Variants in ROBO2 observed in about 807,000 individuals in gnomAD.
The protein encoded by ROBO2 is roundabout homolog 2.
A neutral mutation model predicts 160.8 loss-of-function variants in ROBO2; 53 were observed. That is an observed-to-expected ratio of 0.33 (90% CI 0.26 to 0.41). ROBO2 has a LOEUF of 0.41. Among genes scored for constraint, ROBO2 ranks in the 10% least tolerant of loss-of-function variants. The pLI is 1.00. For synonymous variants in ROBO2, 664 were observed against 611.7 expected, an observed-to-expected ratio of 1.09 and a Z score of -1.26; for missense variants, 1,577 against 1,722.4, an observed-to-expected ratio of 0.92 and a Z score of 1.49.
intron 2 of ROBO2, among the ~76,000 whole-genome samples, chr3:77,287,759 A>AT (rs1168350331): frequency 1.3e-5 from 2 of 152,200 alleles, no homozygotes; most frequent in Admixed American, 1.3e-4. Flanking sequence ...TTGATGTCTT[A>AT]TTTTTTCTTT....
chr3:77,510,743 G>C (rs534485402), intron 5 of ROBO2, among the ~76,000 whole-genome samples: 26 of 152,100 alleles, frequency 1.7e-4, no homozygotes, highest in African/African-American at 6.0e-4. Context: ...CAATGAAGCT[G>C]AATTTTGTTT....
chr3:77,444,362 G>A (rs1186821721), intron 2 of ROBO2, among the ~76,000 whole-genome samples: 1 of 152,110 alleles, frequency 6.6e-6, no homozygotes, highest in African/African-American at 2.4e-5. Context: ...GTAGATATGT[G>A]TGTATAAAAC....
intron 2 of ROBO2, among the ~76,000 whole-genome samples, chr3:77,026,188 C>T (rs941051193): frequency 9.2e-5 from 14 of 152,138 alleles, no homozygotes; most frequent in African/African-American, 3.4e-4. Flanking sequence ...TCCTTGTAGA[C>T]CCCTTAATAT....
chr3:77,436,570 T>C (rs1216252834), intron 2 of ROBO2, among the ~76,000 whole-genome samples: 3 of 151,906 alleles, frequency 2.0e-5, no homozygotes, highest in Non-Finnish European at 4.4e-5. Flanking sequence ...TATGAATTGT[T>C]CAAGTTAGCA....
At chr3:76,521,774 A>G (rs949618865) in intron 2 of ROBO2, among the ~76,000 whole-genome samples, 1 of 152,130 alleles carries the variant, frequency 6.6e-6, no homozygotes, top group African/African-American at 2.4e-5. Flanking sequence ...GACCTTCAGA[A>G]GTATATGTTC....
intron 2 of ROBO2, among the ~76,000 whole-genome samples, chr3:76,125,636 C>A (rs1559571773): frequency 6.6e-6 from 1 of 151,812 alleles, no homozygotes. Context: ...TTGTTGGCCA[C>A]ACATATGTCT....
intron 2 of ROBO2, among the ~76,000 whole-genome samples, chr3:76,326,734 G>T (rs572929246): frequency 9.8e-4 from 146 of 149,356 alleles, no homozygotes; most frequent in South Asian, 1.9e-3. Flanking sequence ...TCGTCATCTA[G>T]CATTAGGTAT....
chr3:76,514,542 T>A (rs2081257903), intron 2 of ROBO2, among the ~76,000 whole-genome samples: 1 of 152,220 alleles, frequency 6.6e-6, no homozygotes, highest in African/African-American at 2.4e-5. Context: ...AATGAAGATA[T>A]CAGATAAAAA....
chr3:76,134,103 C>T (rs1471221312), intron 2 of ROBO2, among the ~76,000 whole-genome samples: 1 of 152,096 alleles, frequency 6.6e-6, no homozygotes, highest in African/African-American at 2.4e-5. Flanking sequence ...TTTTTATTCG[C>T]TAGTTTAAGT....
intron 2 of ROBO2, among the ~76,000 whole-genome samples, chr3:76,828,881 A>T (rs529362327): frequency 6.6e-6 from 1 of 151,986 alleles, no homozygotes; most frequent in Non-Finnish European, 1.5e-5. Flanking sequence ...AGACAGAAAA[A>T]AAAAAGATCT....
intron 2 of ROBO2, among the ~76,000 whole-genome samples, chr3:76,964,752 T>C (rs961013914): frequency 6.6e-6 from 1 of 152,232 alleles, no homozygotes; most frequent in Non-Finnish European, 1.5e-5. Flanking sequence ...TACACTATAA[T>C]AGCATAGGTT....
At position 77,493,160 on chromosome 3, in the gene ROBO2, G is replaced by T. The variant is rs1462953200; in HGVS notation, c.668-84G>T. The T allele has an allele frequency of 3.4e-6, 5 of 1,455,854 alleles. No individual in the cohort carries two copies. The South Asian group carries it at 3.4e-5, about 10-fold the overall frequency. 90.2% of individuals were successfully genotyped at this position (1,455,854 alleles called of 1,614,324 possible). A position where few individuals can be genotyped will look rare whatever the true frequency, so the allele number is the denominator to read the frequency against. ...TACCTGTGTACCAAAAGTAAATTAG[G>T]TTTCCTTTGCTTTTTTCATAATGTA... On this transcript the variant is annotated intron_variant, in intron 4 of 25. Coordinates refer to ENST00000461745, the Ensembl canonical transcript of ROBO2.
At chr3:77,213,441 T>C (rs2084468224) in intron 2 of ROBO2, among the ~76,000 whole-genome samples, 1 of 152,204 alleles carries the variant, frequency 6.6e-6, no homozygotes, top group Non-Finnish European at 1.5e-5. Context: ...TTATCATTTT[T>C]TATTGCATCT....
At chr3:77,145,623 C>G (rs558315248) in intron 2 of ROBO2, among the ~76,000 whole-genome samples, 48 of 152,130 alleles carry the variant, frequency 3.2e-4, no homozygotes, top group African/African-American at 1.1e-3. Context: ...AGTAAGGGAG[C>G]ACTTTTCTTG....
chr3:76,836,845 ATG>A (rs1472324812), intron 2 of ROBO2, among the ~76,000 whole-genome samples: 1 of 151,878 alleles, frequency 6.6e-6, no homozygotes, highest in Non-Finnish European at 1.5e-5. Flanking sequence ...AAACTTGAAT[ATG>A]TATTCTTCTG....
At chr3:76,171,199 A>C (rs1231173477) in intron 2 of ROBO2, among the ~76,000 whole-genome samples, 1 of 152,100 alleles carries the variant, frequency 6.6e-6, no homozygotes, top group Non-Finnish European at 1.5e-5. Context: ...ACAATTTCTG[A>C]TATAAAATTT....
At chr3:76,217,894 A>G (rs1454811990) in intron 2 of ROBO2, among the ~76,000 whole-genome samples, 4 of 152,230 alleles carry the variant, frequency 2.6e-5, no homozygotes, top group Admixed American at 2.0e-4. Flanking sequence ...CTTGATGAAC[A>G]TTGATGCAAA....
chr3:76,205,721 T>A lies in ROBO2; in HGVS notation c.109+268119T>A, dbSNP rs151179057. 5.7e-3 allele frequency among the ~76,000 whole-genome samples: 864 copies of A among 152,240 alleles called. 12 individuals carry two copies. Among genetic ancestry groups the A allele is most frequent in the African/African-American group, 0.02 (828 of 41,544 alleles). The stretch of plus-strand genomic sequence containing the variant: ...GGGTTAAGAGCTTTGCTCTTGCACG[T>A]CTCTGGGGGCCATGCCATCCCTTTT... On this transcript the variant is annotated intron_variant, in intron 2 of 26. Coordinates refer to the ROBO2 transcript ENST00000487694.
At chr3:77,640,933 G>A (rs1401504134) in intron 24 of ROBO2, among the ~76,000 whole-genome samples, 1 of 152,148 alleles carries the variant, frequency 6.6e-6, no homozygotes, top group Admixed American at 6.5e-5. Context: ...ATAAGCAGAT[G>A]CCGTTTTGGC....
Sources: gnomAD v4.1 joint callset for allele counts (sites outside exome capture counted in the v4.1 genomes callset) on GRCh38, gnomAD v4.1.1 for gene constraint, MANE v1.5 for transcripts, NCBI Gene and HGNC (gene_info 2026-07-23, HGNC 2026-07-21) for gene names.